The following KLK2 variants were observed in gnomAD, a reference collection of about 807,000 sequenced individuals.
KLK2 encodes the protein kallikrein-2.
In KLK2, 17 loss-of-function variants were observed where a neutral mutation model predicts 23.0. That is an observed-to-expected ratio of 0.74 (90% CI 0.51 to 1.11). KLK2 has a LOEUF of 1.11. Ranked by LOEUF, KLK2 falls within the 50% of genes least tolerant of loss-of-function variation. The pLI, the probability that KLK2 is intolerant of heterozygous loss-of-function variation, is 0.00. For synonymous variants in KLK2, 140 were observed against 124.7 expected (o/e 1.12, Z -0.82); for missense variants, 330 against 325.9 (o/e 1.01, Z -0.10).
In KLK2 at chr19:50,874,829, G is replaced by C. The variant is rs139063242; in HGVS notation, c.155G>C (p.Gly52Ala). 2 of 1,613,710 alleles carry C rather than the reference G, an allele frequency of 1.2e-6. No individual in the cohort carries two copies. Among genetic ancestry groups the C allele is most frequent in the African/African-American group, 1.3e-5 (1 of 75,032 alleles). ...AGTCATGGATGGGCACACTGTGGGG[G>C]TGTCCTGGTGCACCCCCAGTGGGTG... ...VYSHGWAHCG[G>A]VLVHPQWVLT... Residue 52 changes from glycine (G) to alanine (A), a missense_variant, in exon 2 of 5, where the codon GGT becomes GCT. By Grantham distance (60) the Gly-to-Ala change is moderately conservative (BLOSUM62 0). Coordinates refer to ENST00000325321, the MANE Select transcript of KLK2 (RefSeq NM_005551.5).
Position 50,874,776 on chromosome 19 carries a change from T to C in KLK2, c.102T>C (p.His34=), listed in dbSNP as rs2123477010. The part of the protein sequence containing the change: ...RIVGGWECEK[H]SQPWQVAVYS... ...TGGGAGGCTGGGAGTGTGAGAAGCA[T>C]TCCCAACCCTGGCAGGTGGCTGTGT... The change falls in exon 2 of 5, where the codon CAT becomes CAC. Residue 34 remains histidine, a synonymous_variant. Transcript: ENST00000325321. 1 of 1,613,406 alleles carries C rather than the reference T, an allele frequency of 6.2e-7. No individual in the cohort carries two copies.
At position 50,875,051 on chromosome 19, in the gene KLK2, A is replaced by G. The variant is rs1043636655; in HGVS notation, c.206+171A>G. 42 of 1,297,632 alleles carry G rather than the reference A, an allele frequency of 3.2e-5. 2 individuals carry two copies. In the Admixed American group the frequency reaches 8.6e-4, roughly 26 times the overall value. The allele number at this position is 1,297,632 out of a possible 1,614,324, so 80.4% of individuals were successfully genotyped here. A position where few individuals can be genotyped will look rare whatever the true frequency, so the allele number is the denominator to read the frequency against. ...GAGCTGGGGCTGGACCACTCTCCCC[A>G]TGGCTGCCTGGGTTTCTCTCTGTGT... On this transcript the variant is annotated intron_variant, in intron 2 of 4. Coordinates refer to ENST00000325321, the MANE Select transcript of KLK2 (RefSeq NM_005551.5).
intron 1 of KLK2, 53 bp downstream of exon 1, chr19:50,873,572 G>T: frequency 1.5e-6 from 2 of 1,340,608 alleles, no homozygotes; most frequent in South Asian, 1.3e-5. Flanking sequence ...TTATGCTGAA[G>T]CCCTTTTCCT....
intron 2 of KLK2, among the ~76,000 whole-genome samples, chr19:50,875,308 C>T (rs1420298597): frequency 6.6e-6 from 1 of 152,134 alleles, no homozygotes; most frequent in Non-Finnish European, 1.5e-5. Context: ...TGAACACACC[C>T]CGTGAGGGTG....
At position 50,876,968 on chromosome 19, in the gene KLK2, T is replaced by C; in HGVS notation, c.590T>C (p.Leu197Ser). ...TCTGAGAAGGTGACAGAGTTCATGT[T>C]GTGTGCTGGGCTCTGGACAGGTGGT... The part of the protein sequence containing the change: ...AYSEKVTEFM[L>S]CAGLWTGGKD... Residue 197 changes from leucine (L) to serine (S), a missense_variant, in exon 4 of 5, where the codon TTG becomes TCG. Leu to Ser is a moderately radical substitution (Grantham distance 145, BLOSUM62 -2). Transcript: ENST00000325321. 2.5e-6 allele frequency: 4 copies of C among 1,614,190 alleles called. No individual in the cohort carries two copies. The highest frequency in any genetic ancestry group is 3.4e-6 in the Non-Finnish European group (4 of 1,180,022).
rs768301295 is a variant in KLK2 at position 50,876,537 on chromosome 19, C to G, written c.272C>G (p.Pro91Arg). 50 of 1,614,082 alleles carry G rather than the reference C, an allele frequency of 3.1e-5. No individual in the cohort carries two copies. The South Asian group carries it at 5.3e-4, about 17-fold the overall frequency. Reference sequence around the variant, plus strand: ...CCTGAAGACACAGGCCAGAGGGTCCCTGTCAGCCACAGCTTCCCACACCCG... The same window carrying G: ...CCTGAAGACACAGGCCAGAGGGTCCGTGTCAGCCACAGCTTCCCACACCCG... ...FEPEDTGQRV[P>R]VSHSFPHPLY... is the part of the protein sequence containing the mutation. Residue 91 changes from proline (P) to arginine (R), a missense_variant, in exon 3 of 5, where the codon CCT becomes CGT. Physicochemically the swap from Pro to Arg is moderately radical, Grantham distance 103. Coordinates refer to ENST00000325321, the MANE Select transcript of KLK2 (RefSeq NM_005551.5).
At chr19:50,873,600 C>G in intron 1 of KLK2, 81 bp downstream of exon 1, 1 of 1,014,304 alleles carries the variant, frequency 9.9e-7, no homozygotes, top group Non-Finnish European at 1.5e-6. Context: ...AGTGCCCCAG[C>G]CTCGTCCCTT....
rs2090321720 is a variant in KLK2, at chr19:50,879,518, C to T, written c.*959C>T. 1 of 231,012 alleles carries T rather than the reference C, an allele frequency of 4.3e-6. No individual in the cohort carries two copies. The allele number at this position is 231,012 out of a possible 1,614,324, so 14.3% of individuals were successfully genotyped here. A position where few individuals can be genotyped will look rare whatever the true frequency, so the allele number is the denominator to read the frequency against. ...TCTCCAAGTGGAGACTTACGGACAG[C>T]ATATAATTCTCCCTGCAAGGATGTA... On this transcript the variant is annotated 3_prime_UTR_variant, in exon 5 of 5. Transcript: ENST00000325321.
rs142114516 is a variant in KLK2 at position 50,874,794 on chromosome 19, G to A, written c.120G>A (p.Val40=). The change falls in exon 2 of 5, where the codon GTG becomes GTA. Residue 40 remains valine, a synonymous_variant. Coordinates refer to ENST00000325321, the MANE Select transcript of KLK2 (RefSeq NM_005551.5). ...ECEKHSQPWQ[V]AVYSHGWAHC... ...AGAAGCATTCCCAACCCTGGCAGGT[G>A]GCTGTGTACAGTCATGGATGGGCAC... 6.6e-5 allele frequency: 106 copies of A among 1,613,778 alleles called. No individual in the cohort carries two copies. In the South Asian group the frequency reaches 1.1e-3, roughly 16 times the overall value.
chr19:50,877,418 G>A (rs2090301092), intron 4 of KLK2: 1 of 235,836 alleles, frequency 4.2e-6, no homozygotes, highest in Non-Finnish European at 8.4e-6. Flanking sequence ...GGGCAGGGAG[G>A]AGGGGTGGGG....
Position 50,877,000 on chromosome 19 carries a change from A to C in KLK2, c.622A>C (p.Thr208Pro), listed in dbSNP as rs2090296336. 1.9e-6 allele frequency: 3 copies of C among 1,613,974 alleles called. No homozygotes were observed. Among genetic ancestry groups the C allele is most frequent in the Non-Finnish European group, 2.5e-6 (3 of 1,179,988 alleles). ...CAGLWTGGKD[T>P]CGGDSGGPLV... ...TGGGCTCTGGACAGGTGGTAAAGAC[A>C]CTTGTGGGGTGAGTCATCCCTACTC... The change falls in exon 4 of 5, where the codon ACT becomes CCT. Residue 208 changes from threonine (T) to proline (P), a missense_variant. Coordinates refer to ENST00000325321, the MANE Select transcript of KLK2 (RefSeq NM_005551.5).
At chr19:50,876,413 G>A in intron 2 of KLK2, 59 bp from the exon 3 acceptor site, 1 of 1,497,080 alleles carries the variant, frequency 6.7e-7, no homozygotes, top group Non-Finnish European at 9.3e-7. Context: ...ATCCTCCCCT[G>A]CCCCATCTAC....
Position 50,876,462 on chromosome 19 carries a change from T to C in KLK2, c.207-10T>C. 1 of 1,613,324 alleles carries C rather than the reference T, an allele frequency of 6.2e-7. No homozygotes were observed. Among genetic ancestry groups the C allele is most frequent in the South Asian group, 1.1e-5 (1 of 91,036 alleles). ...CTCTCTCCTCATGCATCCACCCCCT[T>C]CCTCCCCAGGAATAGCCAGGTCTGG... On this transcript the variant is annotated splice_polypyrimidine_tract_variant and intron_variant, in intron 2 of 4. Transcript: ENST00000325321.
At position 50,880,558 on chromosome 19, in the gene KLK2, T is replaced by C. The variant is rs923598714; in HGVS notation, c.*1999T>C. On this transcript the variant is annotated 3_prime_UTR_variant, in exon 5 of 5. Coordinates refer to ENST00000325321, the MANE Select transcript of KLK2 (RefSeq NM_005551.5). ...CAGCAAATAAAACTGAATCTTGTTTTCAGACCTTATACTGTGTAATTGTAA... is the reference window on the plus strand; with the variant it reads ...CAGCAAATAAAACTGAATCTTGTTTCCAGACCTTATACTGTGTAATTGTAA... 1 of 199,132 alleles carries C rather than the reference T, an allele frequency of 5.0e-6. No individual in the cohort carries two copies. The highest frequency in any genetic ancestry group is 1.0e-5 in the Non-Finnish European group (1 of 96,278). The allele number at this position is 199,132 out of a possible 1,614,324, so 12.3% of individuals were successfully genotyped here.
chr19:50,874,631 C>A, intron 1 of KLK2, 90 bp from the exon 2 acceptor site: 2 of 1,081,572 alleles, frequency 1.8e-6, no homozygotes, highest in Non-Finnish European at 2.7e-6. Context: ...TGGTCCTCTG[C>A]CCCCATGTCT....
intron 3 of KLK2, 24 bp downstream of exon 3, chr19:50,876,782 G>C (rs1355287825): frequency 6.2e-7 from 1 of 1,611,618 alleles, no homozygotes; most frequent in Non-Finnish European, 8.5e-7. Flanking sequence ...AGATGGTGTA[G>C]CTGGGAGCCC....
rs1476334142 is a variant in KLK2 at position 50,876,766 on chromosome 19, T to C, written c.493+8T>C. 5 of 1,613,030 alleles carry C rather than the reference T, an allele frequency of 3.1e-6. No individual in the cohort carries two copies. The highest frequency in any genetic ancestry group is 4.2e-6 in the Non-Finnish European group (5 of 1,179,376). On this transcript the variant is annotated splice_region_variant and intron_variant, in intron 3 of 4. Transcript: ENST00000325321. ...GCATCGAACCAGAGGAGTGTACGCC[T>C]GGGCCAGATGGTGTAGCTGGGAGCC...
intron 1 of KLK2, 30 bp downstream of exon 1, chr19:50,873,549 C>A: frequency 2.0e-6 from 3 of 1,494,840 alleles, no homozygotes; most frequent in Non-Finnish European, 2.8e-6. Context: ...GGAAGGGGGG[C>A]GGGTTCTGAC....
At chr19:50,874,637 T>C (rs2090263544) in intron 1 of KLK2, 84 bp from the exon 2 acceptor site, 4 of 1,193,202 alleles carry the variant, frequency 3.4e-6, no homozygotes, top group Non-Finnish European at 4.8e-6. Context: ...TCTGCCCCCA[T>C]GTCTCTTCAA....
Sources: allele counts gnomAD v4.1 joint callset (sites outside exome capture counted in the v4.1 genomes callset), GRCh38; gene constraint gnomAD v4.1.1; transcripts MANE v1.5; gene names NCBI Gene and HGNC (gene_info 2026-07-23, HGNC 2026-07-21).